Variants in CHRNA7 observed in about 807,000 individuals in gnomAD.
CHRNA7 encodes neuronal acetylcholine receptor subunit alpha-7.
In CHRNA7, 17 loss-of-function variants were observed where a neutral mutation model predicts 48.0. The observed-to-expected ratio is 0.35, with a 90% CI of 0.24 to 0.53. The LOEUF (loss-of-function observed/expected upper bound fraction) is 0.53, where lower values mean the gene tolerates loss of function less well. Among genes scored for constraint, CHRNA7 ranks in the 20% least tolerant of loss-of-function variants. CHRNA7 has a pLI of 0.92. For synonymous variants in CHRNA7, 75 were observed against 242.3 expected (o/e 0.31, Z 6.41); for missense variants, 155 against 577.7 (o/e 0.27, Z 7.50).
rs35928459 is a variant in CHRNA7 at position 32,126,010 on chromosome 15, C to CA, written c.350+14123dup. Among the ~76,000 whole-genome samples the CA allele has an allele frequency of 3.3e-3, 482 of 146,942 alleles. 2 individuals carry two copies. Among genetic ancestry groups the CA allele is most frequent in the African/African-American group, 9.3e-3 (375 of 40,360 alleles). On this transcript the variant is annotated intron_variant, in intron 4 of 9. Coordinates refer to ENST00000306901, the MANE Select transcript of CHRNA7 (RefSeq NM_000746.6). Reference sequence around the variant, plus strand: ...TGCTCTCACCATTGGTAGCTGATAGCAAAAAAAAAAAATGATCCAGAACTT... The same window carrying CA: ...TGCTCTCACCATTGGTAGCTGATAGCAAAAAAAAAAAAATGATCCAGAACTT...
At chr15:32,098,491 TGAG>T (rs2050511564) in intron 2 of CHRNA7, among the ~76,000 whole-genome samples, 2 of 152,050 alleles carry the variant, frequency 1.3e-5, no homozygotes, top group South Asian at 4.2e-4. Context: ...ATTTTGCAAA[TGAG>T]GAGACTGAGT....
intron 4 of CHRNA7, among the ~76,000 whole-genome samples, chr15:32,137,031 C>CAAAAAAA (rs775166263): frequency 2.0e-4 from 13 of 63,832 alleles, no homozygotes; most frequent in East Asian, 5.1e-4. Flanking sequence ...GACTCCGTCT[C>CAAAAAAA]AAAAAAAAAA....
In CHRNA7 at chr15:32,109,618, A is replaced by G. The variant is rs115248825; in HGVS notation, c.241-2172A>G. Among the ~76,000 whole-genome samples the G allele has an allele frequency of 3.4e-3, 512 of 152,352 alleles. 7 individuals carry two copies. Among genetic ancestry groups the G allele is most frequent in the African/African-American group, 0.011 (478 of 41,576 alleles). ...TTGAGCCAGAAGAACCAGCTCTGGT[A>G]GAACCCAAAGATCAGTTTGCTTAAA... On this transcript the variant is annotated intron_variant, in intron 3 of 9. Transcript: ENST00000306901.
intron 2 of CHRNA7, among the ~76,000 whole-genome samples, chr15:32,060,369 C>T (rs1438823623): frequency 6.6e-6 from 1 of 152,074 alleles, no homozygotes; most frequent in Non-Finnish European, 1.5e-5. Flanking sequence ...CACACACGCA[C>T]GCATATGGAC....
intron 2 of CHRNA7, among the ~76,000 whole-genome samples, chr15:32,066,189 C>G (rs1185697686): frequency 3.3e-5 from 5 of 152,120 alleles, no homozygotes; most frequent in Admixed American, 3.3e-4. Flanking sequence ...ACAGACTTTA[C>G]AGAATTAGTT....
chr15:32,050,246 A>G (rs897905860), intron 2 of CHRNA7, among the ~76,000 whole-genome samples: 1 of 152,162 alleles, frequency 6.6e-6, no homozygotes, highest in Non-Finnish European at 1.5e-5. Context: ...AGTGTTTTCC[A>G]ACTTGGTTCC....
chr15:32,083,957 C>T (rs754478450), intron 2 of CHRNA7, among the ~76,000 whole-genome samples: 2 of 152,126 alleles, frequency 1.3e-5, no homozygotes, highest in African/African-American at 2.4e-5. Flanking sequence ...TAGCACCTCA[C>T]TATTCATCAG....
At chr15:32,147,604 A>T (rs900880500) in intron 4 of CHRNA7, among the ~76,000 whole-genome samples, 10 of 152,232 alleles carry the variant, frequency 6.6e-5, no homozygotes, top group Non-Finnish European at 1.2e-4. Flanking sequence ...TTCTTTTTTT[A>T]AAAAAAGGAA....
intron 2 of CHRNA7, among the ~76,000 whole-genome samples, chr15:32,059,455 G>T (rs754546819): frequency 6.6e-6 from 1 of 152,104 alleles, no homozygotes; most frequent in Non-Finnish European, 1.5e-5. Flanking sequence ...TGAACTGTCA[G>T]ATTGGCTCCT....
intron 3 of CHRNA7, chr15:32,101,682 A>T (rs972123453): frequency 8.3e-6 from 2 of 240,176 alleles, no homozygotes; most frequent in African/African-American, 4.5e-5. Flanking sequence ...CCCAGGACTC[A>T]GAAGCTCCAT....
At chr15:32,039,691 C>G (rs924635643) in intron 2 of CHRNA7, among the ~76,000 whole-genome samples, 2 of 151,918 alleles carry the variant, frequency 1.3e-5, no homozygotes, top group African/African-American at 4.8e-5. Context: ...GGGGAATATT[C>G]CATGTGAACT....
In CHRNA7 at chr15:32,040,483, A is replaced by G. The variant is rs1045364529; in HGVS notation, c.195+9446A>G. ...ACTAACCCAAGTCACCTTTCATGTT[A>G]CATTATACCACTTCATGCATAATGA... On this transcript the variant is annotated intron_variant, in intron 2 of 9. Coordinates refer to ENST00000306901, the MANE Select transcript of CHRNA7 (RefSeq NM_000746.6). Among the ~76,000 whole-genome samples the G allele has an allele frequency of 1.8e-4, 27 of 151,980 alleles. 1 individual carries two copies. The highest frequency in any genetic ancestry group is 1.5e-5 in the Non-Finnish European group (1 of 67,954).
intron 2 of CHRNA7, among the ~76,000 whole-genome samples, chr15:32,057,233 C>G (rs535870480): frequency 6.6e-6 from 1 of 152,304 alleles, no homozygotes; most frequent in African/African-American, 2.4e-5. Flanking sequence ...CAGCCAGTGG[C>G]CTTCTGCTTA....
At chr15:32,106,766 C>G (rs1376487822) in intron 3 of CHRNA7, among the ~76,000 whole-genome samples, 1 of 152,154 alleles carries the variant, frequency 6.6e-6, no homozygotes, top group African/African-American at 2.4e-5. Flanking sequence ...ATTTGATGTC[C>G]CAGCCTTCCT....
chr15:32,166,351 G>T (rs1041855630), intron 9 of CHRNA7: 13 of 152,210 alleles, frequency 8.5e-5, no homozygotes, highest in African/African-American at 2.9e-4. Context: ...GCTCCTTACT[G>T]ATCATAAAAA....
chr15:32,055,119 G>A (rs980069271), intron 2 of CHRNA7, among the ~76,000 whole-genome samples: 1 of 152,014 alleles, frequency 6.6e-6, no homozygotes, highest in South Asian at 2.1e-4. Context: ...ATTTTAATTA[G>A]CATTTCCCTG....
intron 2 of CHRNA7, among the ~76,000 whole-genome samples, chr15:32,058,741 G>T (rs2049828355): frequency 6.6e-6 from 1 of 152,162 alleles, no homozygotes; most frequent in Non-Finnish European, 1.5e-5. Context: ...GGCTGTGGGG[G>T]CAGAACTAGA....
At chr15:32,144,175 T>A (rs1052853113) in intron 4 of CHRNA7, among the ~76,000 whole-genome samples, 1 of 152,232 alleles carries the variant, frequency 6.6e-6, no homozygotes, top group South Asian at 2.1e-4. Context: ...CCTTCACTTA[T>A]GAAGCTTGGT....
At chr15:32,059,094 C>T (rs966991938) in intron 2 of CHRNA7, among the ~76,000 whole-genome samples, 4 of 152,068 alleles carry the variant, frequency 2.6e-5, no homozygotes, top group Admixed American at 2.6e-4. Flanking sequence ...ACCTCCGCCT[C>T]CTGGGTTCAA....
Sources: gnomAD v4.1 joint callset for allele counts (sites outside exome capture counted in the v4.1 genomes callset) on GRCh38, gnomAD v4.1.1 for gene constraint, MANE v1.5 for transcripts, NCBI Gene and HGNC (gene_info 2026-07-23, HGNC 2026-07-21) for gene names.